The following ADAMTS12 variants were observed in gnomAD, a reference collection of about 807,000 sequenced individuals.
The protein encoded by ADAMTS12 is A disintegrin and metalloproteinase with thrombospondin motifs 12.
In ADAMTS12, 118 loss-of-function variants were observed where a neutral mutation model predicts 167.8. The observed-to-expected ratio is 0.70, with a 90% CI of 0.61 to 0.82. The LOEUF (loss-of-function observed/expected upper bound fraction) is 0.82, where lower values mean the gene tolerates loss of function less well. ADAMTS12 is among the 40% of genes least tolerant of loss of function. The pLI, the probability that ADAMTS12 is intolerant of heterozygous loss-of-function variation, is 0.00. For synonymous variants in ADAMTS12, 704 were observed against 716.9 expected, an observed-to-expected ratio of 0.98 and a Z score of 0.29; for missense variants, 1,916 against 1,998.8, an observed-to-expected ratio of 0.96 and a Z score of 0.79.
intron 16 of ADAMTS12, among the ~76,000 whole-genome samples, chr5:33,604,594 G>A (rs1417916850): frequency 6.7e-6 from 1 of 150,154 alleles, no homozygotes; most frequent in African/African-American, 2.5e-5. Context: ...TTTTAGGCCT[G>A]GGAAGTTAGC....
At chr5:33,587,653 T>C (rs1029149436) in intron 18 of ADAMTS12, among the ~76,000 whole-genome samples, 1 of 152,142 alleles carries the variant, frequency 6.6e-6, no homozygotes, top group African/African-American at 2.4e-5. Flanking sequence ...TGTTTCATCA[T>C]GTTGCTTGGG....
chr5:33,621,023 G>A (rs1372224381), intron 14 of ADAMTS12, among the ~76,000 whole-genome samples: 2 of 152,136 alleles, frequency 1.3e-5, no homozygotes, highest in African/African-American at 4.8e-5. Context: ...GGGAAGAGGA[G>A]GAACATAATT....
intron 5 of ADAMTS12, among the ~76,000 whole-genome samples, chr5:33,669,713 T>C (rs375308537): frequency 1.3e-5 from 2 of 151,316 alleles, no homozygotes; most frequent in South Asian, 4.2e-4. Context: ...TAAATCCAGA[T>C]AATAAAGCAT....
intron 22 of ADAMTS12, among the ~76,000 whole-genome samples, chr5:33,544,229 C>T (rs1397432854): frequency 6.6e-6 from 1 of 151,924 alleles, no homozygotes; most frequent in African/African-American, 2.4e-5. Context: ...CAGACAAACA[C>T]AGGCCAAATC....
intron 3 of ADAMTS12, among the ~76,000 whole-genome samples, chr5:33,745,474 C>T (rs1744748935): frequency 6.6e-6 from 1 of 152,130 alleles, no homozygotes; most frequent in Admixed American, 6.5e-5. Context: ...TCCAAAGGCA[C>T]CCTCCCACCT....
chr5:33,684,113 C>A, intron 3 of ADAMTS12, 58 bp from the exon 4 acceptor site: 1 of 1,230,440 alleles, frequency 8.1e-7, no homozygotes, highest in South Asian at 3.1e-5. Context: ...ATATTATCTA[C>A]TTATGTTAGT....
At chr5:33,649,843 C>T (rs1237792273) in intron 7 of ADAMTS12, 146 bp from the exon 8 acceptor site, 4 of 1,056,662 alleles carry the variant, frequency 3.8e-6, no homozygotes, top group Admixed American at 2.8e-5. Flanking sequence ...ACTTTGAAGT[C>T]GGAGGGGCAT....
rs1554038433 is a variant in ADAMTS12 at position 33,730,289 on chromosome 5, G to GGGGTGTGTGTGT, written c.634+21114_634+21115insACACACACACCC. Among the ~76,000 whole-genome samples the GGGGTGTGTGTGT allele has an allele frequency of 8.9e-3, 1,277 of 144,254 alleles. 4 individuals carry two copies. The highest frequency in any genetic ancestry group is 0.021 in the Middle Eastern group (6 of 286). The allele number at this position is 144,254 out of a possible 152,430, so 94.6% of individuals were successfully genotyped here. ...CTATTATGAGATCAGAGTCCATTAG[G>GGGGTGTGTGTGT]GTGTGTGTGTGTGTGTGTGTGTGTG... On this transcript the variant is annotated intron_variant, in intron 3 of 23. Transcript: ENST00000504830.
intron 2 of ADAMTS12, among the ~76,000 whole-genome samples, chr5:33,754,227 G>C (rs1745095642): frequency 1.3e-5 from 2 of 152,190 alleles, no homozygotes; most frequent in Non-Finnish European, 2.9e-5. Context: ...TTGCCCAAGA[G>C]AACCACCTTC....
chr5:33,687,077 C>CT (rs1448920607), intron 3 of ADAMTS12, among the ~76,000 whole-genome samples: 1 of 116,076 alleles, frequency 8.6e-6, no homozygotes, highest in East Asian at 2.5e-4. Flanking sequence ...CCTGAGCTAA[C>CT]TAAGACATGA....
At chr5:33,626,102 G>A (rs181360969) in intron 13 of ADAMTS12, among the ~76,000 whole-genome samples, 5 of 152,258 alleles carry the variant, frequency 3.3e-5, no homozygotes, top group Non-Finnish European at 7.4e-5. Flanking sequence ...TAGGTAGTGT[G>A]TTTGTGAAAA....
At chr5:33,618,136 T>C (rs1404517469) in intron 14 of ADAMTS12, among the ~76,000 whole-genome samples, 1 of 152,244 alleles carries the variant, frequency 6.6e-6, no homozygotes, top group East Asian at 1.9e-4. Context: ...TATATTGAAT[T>C]CTTATGATAA....
chr5:33,584,867 T>C (rs1336393078), intron 18 of ADAMTS12, among the ~76,000 whole-genome samples: 1 of 152,194 alleles, frequency 6.6e-6, no homozygotes, highest in Non-Finnish European at 1.5e-5. Context: ...GAAAAATCAT[T>C]TTCCTAAGAC....
At chr5:33,864,982 G>A (rs117938756) in intron 2 of ADAMTS12, among the ~76,000 whole-genome samples, 3,065 of 151,604 alleles carry the variant, frequency 0.02, 148 homozygotes, top group East Asian at 0.2. Context: ...AGAACTTAAA[G>A]TATTAAATAA....
intron 19 of ADAMTS12, among the ~76,000 whole-genome samples, chr5:33,568,953 G>A (rs1002683607): frequency 5.3e-5 from 8 of 152,270 alleles, no homozygotes; most frequent in African/African-American, 9.6e-5. Flanking sequence ...TCCCGTACCT[G>A]CCTTGGAGGG....
intron 3 of ADAMTS12, 31 bp from the exon 4 acceptor site, chr5:33,684,086 C>T: frequency 6.8e-7 from 1 of 1,461,514 alleles, no homozygotes; most frequent in Non-Finnish European, 9.1e-7. Flanking sequence ...AATGGTCTAA[C>T]ACTGTATATG....
At chr5:33,846,038 G>A (rs756087862) in intron 2 of ADAMTS12, among the ~76,000 whole-genome samples, 14 of 152,172 alleles carry the variant, frequency 9.2e-5, no homozygotes, top group Non-Finnish European at 1.5e-4. Context: ...TCCAGCACTT[G>A]GGATCAAACT....
chr5:33,569,017 T>A (rs575103695), intron 19 of ADAMTS12, among the ~76,000 whole-genome samples: 3 of 152,302 alleles, frequency 2.0e-5, no homozygotes, highest in Admixed American at 6.5e-5. Context: ...GAGATCAAAC[T>A]GCAAGGCGGC....
In ADAMTS12 at chr5:33,841,106, A is replaced by G. The variant is rs1402641551; in HGVS notation, c.489+40013T>C. Among the ~76,000 whole-genome samples, 4 of 152,006 alleles carry G rather than the reference A, an allele frequency of 2.6e-5. No individual in the cohort carries two copies. The South Asian group carries it at 8.3e-4, about 32-fold the overall frequency. On this transcript the variant is annotated intron_variant, in intron 2 of 23. Coordinates refer to ENST00000504830, the MANE Select transcript of ADAMTS12 (RefSeq NM_030955.4). ...CAGTCTGTGTGGCACACATGACCAC[A>G]CAGTCTCCTGGCTGGATTCTCTCCC...
Sources: allele counts gnomAD v4.1 joint callset (sites outside exome capture counted in the v4.1 genomes callset), GRCh38; gene constraint gnomAD v4.1.1; transcripts MANE v1.5; gene names NCBI Gene and HGNC (gene_info 2026-07-23, HGNC 2026-07-21).